ASB4: variants seen among roughly 807,000 people sequenced by gnomAD.
The protein encoded by ASB4 is ankyrin repeat and SOCS box protein 4.
A neutral mutation model predicts 38.6 loss-of-function variants in ASB4; 35 were observed. That is an observed-to-expected ratio of 0.91 (90% CI 0.69 to 1.20). ASB4 has a LOEUF of 1.20. Ranked by LOEUF, ASB4 falls within the 50% of genes most tolerant of loss-of-function variation. The probability of loss-of-function intolerance (pLI) is 0.00; values close to 1 mark genes in which losing one functional copy is unlikely to be tolerated. For synonymous variants in ASB4, 195 were observed against 201.3 expected (o/e 0.97, Z 0.26); for missense variants, 557 against 527.2 (o/e 1.06, Z -0.55).
At chr7:95,488,700 T>C (rs1790128959) in intron 1 of ASB4, among the ~76,000 whole-genome samples, 1 of 152,240 alleles carries the variant, frequency 6.6e-6, no homozygotes, top group African/African-American at 2.4e-5. Context: ...CACACTGCTC[T>C]TTGATTTTTT....
rs572697238 is a variant in ASB4, at chr7:95,513,964, A to G, written c.488-13849A>G. 1.8e-4 allele frequency among the ~76,000 whole-genome samples: 27 copies of G among 152,294 alleles called. 1 individual carries two copies. In the South Asian group the frequency reaches 5.6e-3, roughly 32 times the overall value. On this transcript the variant is annotated intron_variant, in intron 2 of 4. Coordinates refer to ENST00000325885, the MANE Select transcript of ASB4 (RefSeq NM_016116.3). ...CGATGCTGGCATAAATTACCAGTCC[A>G]AAATCACCCTCACAACTCCTGGACC...
intron 2 of ASB4, among the ~76,000 whole-genome samples, chr7:95,500,808 C>T (rs757719040): frequency 1.3e-5 from 2 of 152,148 alleles, no homozygotes; most frequent in Non-Finnish European, 2.9e-5. Flanking sequence ...TACTTTGGCA[C>T]ACAAGGTTTT....
Position 95,528,516 on chromosome 7 carries a change from GAA to G in ASB4, c.978+217_978+218del. ...AAATTGGGTGTGAGAGCTAGAATGA[GAA>G]AAAGAGTAGCAAATAATTTGTTTTG... On this transcript the variant is annotated intron_variant, in intron 3 of 4. Coordinates refer to ENST00000325885, the MANE Select transcript of ASB4 (RefSeq NM_016116.3). 11 of 1,428,036 alleles carry G rather than the reference GAA, an allele frequency of 7.7e-6. No individual in the cohort carries two copies. The South Asian group carries it at 1.5e-4, about 20-fold the overall frequency. The allele number at this position is 1,428,036 out of a possible 1,614,324, so 88.5% of individuals were successfully genotyped here. A position where few individuals can be genotyped will look rare whatever the true frequency, so the allele number is the denominator to read the frequency against.
At chr7:95,550,300 C>T in the ASB4 span, among the ~76,000 whole-genome samples, 1 of 152,118 alleles carries the variant, frequency 6.6e-6, no homozygotes, top group Non-Finnish European at 1.5e-5. Flanking sequence ...AGGCCCTGCC[C>T]ACAGGGTTGC....
In ASB4 at chr7:95,528,034, A is replaced by G. The variant is rs371982870; in HGVS notation, c.709A>G (p.Met237Val). ...CACGGAGCACCACCTGGTCTGCCGC[A>G]TGCTGCTTGACTACAAAGCCGAAGT... ...YSTEHHLVCR[M>V]LLDYKAEVNA... The change falls in exon 3 of 5, where the codon ATG becomes GTG. Residue 237 changes from methionine (M) to valine (V), a missense_variant. Transcript: ENST00000325885. The G allele has an allele frequency of 1.2e-6, 2 of 1,614,110 alleles. No individual in the cohort carries two copies. Among genetic ancestry groups the G allele is most frequent in the Non-Finnish European group, 1.7e-6 (2 of 1,180,026 alleles).
At chr7:95,529,566 A>C (rs1212254931) in intron 3 of ASB4, among the ~76,000 whole-genome samples, 1 of 152,238 alleles carries the variant, frequency 6.6e-6, no homozygotes, top group Non-Finnish European at 1.5e-5. Context: ...TGATGGGTTC[A>C]GCAATCCTGT....
chr7:95,535,026 C>T (rs1790870462), intron 3 of ASB4, among the ~76,000 whole-genome samples: 1 of 152,164 alleles, frequency 6.6e-6, no homozygotes, highest in African/African-American at 2.4e-5. Flanking sequence ...GGCCTCTTTA[C>T]TGTCAACACA....
Position 95,527,851 on chromosome 7 carries a change from G to C in ASB4, c.526G>C (p.Glu176Gln). ...CATGAAGACCAACAACCAAGATGAG[G>C]AGACGCCCTTGCACACGGCTGCCCA... ...VNMKTNNQDE[E>Q]TPLHTAAHFG... Residue 176 changes from glutamate to glutamine, a missense_variant, in exon 3 of 5, where the codon GAG becomes CAG. Coordinates refer to ENST00000325885, the MANE Select transcript of ASB4 (RefSeq NM_016116.3). 1 of 1,610,000 alleles carries C rather than the reference G, an allele frequency of 6.2e-7. No individual in the cohort carries two copies. The highest frequency in any genetic ancestry group is 8.5e-7 in the Non-Finnish European group (1 of 1,176,902).
At chr7:95,471,542 G>T in the ASB4 span, among the ~76,000 whole-genome samples, 3 of 152,150 alleles carry the variant, frequency 2.0e-5, no homozygotes, top group African/African-American at 7.2e-5. Flanking sequence ...ATTTGTATGA[G>T]AGTTGAAGGC....
chr7:95,491,172 T>C (rs1790165497), intron 1 of ASB4, among the ~76,000 whole-genome samples: 1 of 152,240 alleles, frequency 6.6e-6, no homozygotes, highest in African/African-American at 2.4e-5. Context: ...AGATTATGTA[T>C]CATGGTCAAA....
At chr7:95,531,110 A>G (rs1449867406) in intron 3 of ASB4, among the ~76,000 whole-genome samples, 2 of 152,178 alleles carry the variant, frequency 1.3e-5, no homozygotes, top group Admixed American at 1.3e-4. Context: ...CACATCACAA[A>G]TATGCTCAAA....
At chr7:95,508,859 T>C (rs1790444547) in intron 2 of ASB4, among the ~76,000 whole-genome samples, 1 of 152,208 alleles carries the variant, frequency 6.6e-6, no homozygotes. Flanking sequence ...AGTCCAAGAA[T>C]TGTTATAGTG....
chr7:95,502,602 G>C (rs1226539956), intron 2 of ASB4, among the ~76,000 whole-genome samples: 4 of 152,140 alleles, frequency 2.6e-5, no homozygotes, highest in Non-Finnish European at 4.4e-5. Flanking sequence ...GAAAGAAAAA[G>C]AAAGACACTG....
intron 2 of ASB4, among the ~76,000 whole-genome samples, chr7:95,524,599 A>G (rs1790711651): frequency 6.6e-6 from 1 of 152,196 alleles, no homozygotes; most frequent in Admixed American, 6.5e-5. Flanking sequence ...ACACAAAGAT[A>G]CGTTCAAGTT....
chr7:95,502,433 C>G (rs560402470), intron 2 of ASB4, among the ~76,000 whole-genome samples: 1 of 150,870 alleles, frequency 6.6e-6, no homozygotes, highest in African/African-American at 2.4e-5. Context: ...AAGCTTAAAA[C>G]TTTCTTGTAA....
chr7:95,513,249 GT>G (rs1379114558), intron 2 of ASB4, among the ~76,000 whole-genome samples: 1 of 38,524 alleles, frequency 2.6e-5, no homozygotes, highest in South Asian at 1.1e-3. Context: ...TTTGTTTTTT[GT>G]TTGTTTTTTT....
intron 2 of ASB4, among the ~76,000 whole-genome samples, chr7:95,499,574 G>C (rs778816677): frequency 2.4e-4 from 36 of 152,126 alleles, no homozygotes; most frequent in Non-Finnish European, 4.4e-4. Context: ...AGCCAGATTT[G>C]AATGGTATAA....
chr7:95,537,575 A>G lies in ASB4; in HGVS notation c.1097A>G (p.Tyr366Cys). 6.3e-7 allele frequency: 1 copy of G among 1,590,948 alleles called. No homozygotes were observed. The change falls in exon 5 of 5, where the codon TAC (tyrosine) becomes TGC (cysteine). Residue 366 changes from tyrosine (Y) to cysteine (C), a missense_variant. Transcript: ENST00000325885. ...RAIPDDDLEK[Y>C]WDFYHSLFTV... ...TTGTCTTGCCTTCCTTTTCAGAAAT[A>G]CTGGGATTTTTACCACTCTCTCTTT...
intron 4 of ASB4, among the ~76,000 whole-genome samples, chr7:95,536,941 GGAAAGAGTTTTAAA>G (rs1229206498): frequency 6.6e-6 from 1 of 152,164 alleles, no homozygotes; most frequent in Non-Finnish European, 1.5e-5. Flanking sequence ...CTATTAGGCA[GGAAAGAGTTTTAAA>G]AACCCTGTCT....
Sources: gnomAD v4.1 joint callset for allele counts (sites outside exome capture counted in the v4.1 genomes callset) on GRCh38, gnomAD v4.1.1 for gene constraint, MANE v1.5 for transcripts, NCBI Gene and HGNC (gene_info 2026-07-23, HGNC 2026-07-21) for gene names.